The following STARD8 variants were observed in gnomAD, a reference collection of about 807,000 sequenced individuals.
STARD8 encodes StAR related lipid transfer domain containing 8.
In STARD8, 25 loss-of-function variants were observed where a neutral mutation model predicts 69.4. That is an observed-to-expected ratio of 0.36 (90% CI 0.26 to 0.50). STARD8 has a LOEUF of 0.50. Among genes scored for constraint, STARD8 ranks in the 20% least tolerant of loss-of-function variants. The pLI is 0.96. For synonymous variants in STARD8, 389 were observed against 374.6 expected (o/e 1.04, Z -0.45); for missense variants, 921 against 932.5 (o/e 0.99, Z 0.16).
At chrX:68,723,281 A>G (rs2080167513) in intron 12 of STARD8, among the ~76,000 whole-genome samples, 1 of 112,629 alleles carries the variant, frequency 8.9e-6, no homozygotes. Context: ...TTTGTTGTGC[A>G]TGTGTTTTAC....
At chrX:68,649,000 G>C (rs969993028) in intron 1 of STARD8, among the ~76,000 whole-genome samples, 1 of 112,156 alleles carries the variant, frequency 8.9e-6, no homozygotes, top group Non-Finnish European at 1.9e-5. Context: ...GGCAGAGCTG[G>C]GATCTGAGCT....
intron 2 of STARD8, among the ~76,000 whole-genome samples, chrX:68,685,956 C>CTGT (rs2079829115): frequency 8.9e-6 from 1 of 112,218 alleles, no homozygotes; most frequent in Admixed American, 9.4e-5. Flanking sequence ...CTCCATCTGG[C>CTGT]TGTTGCACAA....
In STARD8 at chrX:68,683,510, C is replaced by CT. The variant is rs199732429; in HGVS notation, c.79+17979dup. Reference sequence around the variant, plus strand: ...TTACTGAACCAGGTGCCTGCTACCCCTGGGGTACAAGGCCATGGCCTGGAG... The same window carrying CT: ...TTACTGAACCAGGTGCCTGCTACCCCTTGGGGTACAAGGCCATGGCCTGGAG... On this transcript the variant is annotated intron_variant, in intron 2 of 14. Coordinates refer to ENST00000374599, the MANE Select transcript of STARD8 (RefSeq NM_001142503.3). Among the ~76,000 whole-genome samples, 54 of 112,228 alleles carry CT rather than the reference C, an allele frequency of 4.8e-4. No individual in the cohort carries two copies. The East Asian group carries it at 9.2e-3, about 19-fold the overall frequency.
Position 68,724,428 on chromosome X carries a change from G to T in STARD8, c.*6G>T. On this transcript the variant is annotated 3_prime_UTR_variant, in exon 15 of 15. Coordinates refer to ENST00000374599, the MANE Select transcript of STARD8 (RefSeq NM_001142503.3). Reference sequence around the variant, plus strand: ...GCCCTGAGACAAAGCTGTGAGCCTTGGGCTGGTCCCAGGGTGGCACCACCC... The same window carrying T: ...GCCCTGAGACAAAGCTGTGAGCCTTTGGCTGGTCCCAGGGTGGCACCACCC... The T allele has an allele frequency of 8.4e-7, 1 of 1,195,203 alleles. No homozygotes were observed.
rs1383976295 is a variant in STARD8 at position 68,717,336 on chromosome X, C to T, written c.422C>T (p.Pro141Leu). 9 of 1,205,187 alleles carry T rather than the reference C, an allele frequency of 7.5e-6. No individual in the cohort carries two copies. The highest frequency in any genetic ancestry group is 6.0e-5 in the East Asian group (2 of 33,593). Residue 141 changes from proline (P) to leucine (L), a missense_variant, in exon 6 of 15, where the codon CCA becomes CTA. By Grantham distance (98) the Pro-to-Leu change is moderately conservative. Transcript: ENST00000374599. ...DLLAPPSPGL[P>L]ATSSCESVLT... ...TTGGCCCCACCGAGCCCTGGCCTGCCAGCGACCTCAAGCTGTGAGAGCGTC... is the reference window on the plus strand; with the variant it reads ...TTGGCCCCACCGAGCCCTGGCCTGCTAGCGACCTCAAGCTGTGAGAGCGTC...
intron 1 of STARD8, among the ~76,000 whole-genome samples, chrX:68,664,102 C>A (rs899144244): frequency 1.2e-4 from 13 of 111,953 alleles, no homozygotes; most frequent in Admixed American, 1.0e-3. Context: ...GAGATAGACA[C>A]ATACTATGGC....
intron 1 of STARD8, among the ~76,000 whole-genome samples, chrX:68,663,749 T>C (rs1012252393): frequency 8.9e-6 from 1 of 112,210 alleles, no homozygotes; most frequent in Non-Finnish European, 1.9e-5. Context: ...CCCCTTTGTC[T>C]ACACTGAGAA....
intron 2 of STARD8, among the ~76,000 whole-genome samples, chrX:68,703,693 CA>C (rs781738567): frequency 3.4e-4 from 38 of 112,056 alleles, no homozygotes; most frequent in Non-Finnish European, 6.4e-4. Context: ...GGGAAGTAGG[CA>C]AGGGGGTGGG....
chrX:68,666,274 C>T (rs2079682628), intron 2 of STARD8, among the ~76,000 whole-genome samples: 1 of 112,296 alleles, frequency 8.9e-6, no homozygotes, highest in Non-Finnish European at 1.9e-5. Flanking sequence ...CTGGGCTTTG[C>T]TAAGGTCATC....
At chrX:68,697,160 A>G (rs1015557467) in intron 2 of STARD8, among the ~76,000 whole-genome samples, 8 of 112,282 alleles carry the variant, frequency 7.1e-5, no homozygotes, top group African/African-American at 2.6e-4. Context: ...AACAACCATT[A>G]TCACACCTAA....
intron 2 of STARD8, among the ~76,000 whole-genome samples, chrX:68,691,088 A>G (rs1569361772): frequency 9.0e-6 from 1 of 111,429 alleles, no homozygotes; most frequent in African/African-American, 3.3e-5. Flanking sequence ...GAATGAGGAA[A>G]GCCCCATGCC....
intron 2 of STARD8, among the ~76,000 whole-genome samples, chrX:68,670,618 C>T (rs910888866): frequency 1.3e-4 from 15 of 111,145 alleles, no homozygotes; most frequent in Admixed American, 9.5e-4. Context: ...AAATCAGGAG[C>T]TGGAGAGGGC....
chrX:68,680,322 G>C (rs774381599), intron 2 of STARD8, among the ~76,000 whole-genome samples: 1 of 111,815 alleles, frequency 8.9e-6, no homozygotes, highest in African/African-American at 3.3e-5. Flanking sequence ...TCTGTCCCAC[G>C]TGGGGCAGGC....
chrX:68,693,548 A>C (rs2079892851), intron 2 of STARD8: 1 of 633,073 alleles, frequency 1.6e-6, no homozygotes, highest in African/African-American at 2.4e-5. Context: ...CTTTCTGGCG[A>C]GTCCGGTGGG....
chrX:68,721,457 G>C, intron 9 of STARD8, 79 bp from the exon 10 acceptor site: 1 of 1,080,322 alleles, frequency 9.3e-7, no homozygotes, highest in Non-Finnish European at 1.3e-6. Context: ...TGTGCCTTTT[G>C]CCCCCTTGGA....
Position 68,725,578 on chromosome X carries a change from A to ATATGTG in STARD8, c.*1157_*1158insATGTGT, listed in dbSNP as rs1187742928. Reference sequence around the variant, plus strand: ...CTAATATATATATATATATATATATATGTGTGTGTGTGTGTGTGTGTATAT... The same window carrying ATATGTG: ...CTAATATATATATATATATATATATATATGTGTGTGTGTGTGTGTGTGTGTGTATAT... On this transcript the variant is annotated 3_prime_UTR_variant, in exon 15 of 15. Transcript: ENST00000374599. The ATATGTG allele has an allele frequency of 1.1e-4, 10 of 94,933 alleles. No individual in the cohort carries two copies. The highest frequency in any genetic ancestry group is 3.5e-4 in the African/African-American group (8 of 22,773). 7.8% of individuals were successfully genotyped at this position (94,933 alleles called of 1,213,427 possible).
At chrX:68,653,321 C>T (rs2079582779) in intron 1 of STARD8, among the ~76,000 whole-genome samples, 1 of 42,722 alleles carries the variant, frequency 2.3e-5, no homozygotes, top group Non-Finnish European at 4.3e-5. Context: ...CCACACACCA[C>T]ACACACACAC....
intron 2 of STARD8, among the ~76,000 whole-genome samples, chrX:68,709,627 G>GC (rs2080034411): frequency 9.0e-6 from 1 of 110,708 alleles, no homozygotes; most frequent in South Asian, 3.9e-4. Flanking sequence ...ATCAGCCTGG[G>GC]CAATATAGTA....
chrX:68,652,058 G>A (rs1014383856), intron 1 of STARD8, among the ~76,000 whole-genome samples: 5 of 105,079 alleles, frequency 4.8e-5, no homozygotes, highest in South Asian at 8.9e-4. Flanking sequence ...GGGTTTCACC[G>A]TGTTGGCCAG....
Sources: gnomAD v4.1 joint callset for allele counts (sites outside exome capture counted in the v4.1 genomes callset) on GRCh38, gnomAD v4.1.1 for gene constraint, MANE v1.5 for transcripts, NCBI Gene and HGNC (gene_info 2026-07-23, HGNC 2026-07-21) for gene names.